The following FANCB variants were observed in gnomAD, a reference collection of about 807,000 sequenced individuals.
FANCB encodes FA complementation group B.
Under a neutral mutation model 38.9 loss-of-function variants are expected in FANCB, and 5 were observed. That is an observed-to-expected ratio of 0.13 (90% confidence interval 0.07 to 0.27). The LOEUF (loss-of-function observed/expected upper bound fraction) is 0.27, where lower values mean the gene tolerates loss of function less well. FANCB is among the 10% of genes least tolerant of loss of function. The probability of loss-of-function intolerance (pLI) is 1.00; values close to 1 mark genes in which losing one functional copy is unlikely to be tolerated. For synonymous variants in FANCB, 236 were observed against 215.4 expected (o/e 1.10, Z -0.84); for missense variants, 573 against 602.7 (o/e 0.95, Z 0.52).
intron 5 of FANCB, among the ~76,000 whole-genome samples, 192 bp downstream of exon 5, chrX:14,857,670 A>G (rs2092428577): frequency 8.9e-6 from 1 of 111,844 alleles, no homozygotes; most frequent in African/African-American, 3.3e-5. Flanking sequence ...CAAAAAAGGT[A>G]TGTTTAGATG....
At chrX:14,827,261 T>C in the FANCB span, among the ~76,000 whole-genome samples, 1 of 111,999 alleles carries the variant, frequency 8.9e-6, no homozygotes, top group Non-Finnish European at 1.9e-5. Flanking sequence ...GATTTGTGCC[T>C]TAGACAGCTT....
the FANCB span, among the ~76,000 whole-genome samples, chrX:14,765,795 A>G: frequency 5.4e-5 from 6 of 112,015 alleles, no homozygotes; most frequent in Admixed American, 5.7e-4. Flanking sequence ...GCAAATGCAC[A>G]TTACACAACT....
At chrX:14,816,503 G>A in the FANCB span, among the ~76,000 whole-genome samples, 2 of 111,630 alleles carry the variant, frequency 1.8e-5, no homozygotes, top group Non-Finnish European at 3.8e-5. Context: ...GTCATTAATG[G>A]GGGAATGAGA....
At chrX:14,716,822 C>T in the FANCB span, among the ~76,000 whole-genome samples, 1 of 110,951 alleles carries the variant, frequency 9.0e-6, no homozygotes, top group South Asian at 3.9e-4. Context: ...GAAATTAATA[C>T]CTAAAACCAA....
chrX:14,868,688 A>G (rs773098518), intron 2 of FANCB, among the ~76,000 whole-genome samples: 9 of 111,680 alleles, frequency 8.1e-5, no homozygotes, highest in Non-Finnish European at 1.5e-4. Context: ...TAGGGTAAAG[A>G]TAGTTAACAC....
the FANCB span, among the ~76,000 whole-genome samples, chrX:14,738,058 C>G: frequency 9.0e-6 from 1 of 111,568 alleles, no homozygotes; most frequent in Non-Finnish European, 1.9e-5. Flanking sequence ...GTACAGTCCT[C>G]CCATTAGAAA....
chrX:14,806,130 A>G, the FANCB span, among the ~76,000 whole-genome samples: 1 of 111,889 alleles, frequency 8.9e-6, no homozygotes, highest in African/African-American at 3.3e-5. Flanking sequence ...TGAGTTTCAA[A>G]GGAGGGAAGT....
the FANCB span, among the ~76,000 whole-genome samples, chrX:14,818,390 A>AG: frequency 2.8e-5 from 3 of 108,669 alleles, no homozygotes; most frequent in African/African-American, 1.0e-4. Context: ...AAAAAAAAAA[A>AG]AGAGAGAGAC....
chrX:14,716,369 C>T, the FANCB span, among the ~76,000 whole-genome samples: 2 of 111,702 alleles, frequency 1.8e-5, no homozygotes, highest in African/African-American at 6.5e-5. Flanking sequence ...TCAACCAAAG[C>T]CTTTCAGATT....
intron 5 of FANCB, among the ~76,000 whole-genome samples, chrX:14,854,411 T>C (rs1444618155): frequency 1.8e-5 from 2 of 111,853 alleles, no homozygotes; most frequent in African/African-American, 6.5e-5. Context: ...TAAATAATCT[T>C]GGCTGTGAAG....
the FANCB span, among the ~76,000 whole-genome samples, chrX:14,761,550 C>T: frequency 9.0e-6 from 1 of 110,700 alleles, no homozygotes; most frequent in South Asian, 3.8e-4. Context: ...GGGAACATAA[C>T]GCTGGTAGAA....
chrX:14,796,693 T>TACACACACAC, the FANCB span, among the ~76,000 whole-genome samples: 2 of 92,122 alleles, frequency 2.2e-5, no homozygotes, highest in African/African-American at 8.0e-5. Context: ...CGTCTATATA[T>TACACACACAC]ACACACACAC....
At chrX:14,738,321 C>A in the FANCB span, among the ~76,000 whole-genome samples, 2 of 111,934 alleles carry the variant, frequency 1.8e-5, no homozygotes. Context: ...GGACATTTTT[C>A]TTTTGTGATA....
At chrX:14,750,747 A>G in the FANCB span, among the ~76,000 whole-genome samples, 2 of 111,108 alleles carry the variant, frequency 1.8e-5, no homozygotes, top group Non-Finnish European at 3.8e-5. Context: ...ACACACATCA[A>G]AGGTTTTTAT....
chrX:14,843,919 A>G lies in FANCB; in HGVS notation c.2228T>C (p.Phe743Ser), dbSNP rs747865842. 1 of 1,202,596 alleles carries G rather than the reference A, an allele frequency of 8.3e-7. No individual in the cohort carries two copies. Among genetic ancestry groups the G allele is most frequent in the East Asian group, 3.0e-5 (1 of 33,806 alleles). The change falls in exon 10 of 10, where the codon TTC becomes TCC. Residue 743 changes from phenylalanine to serine, a missense_variant. Phe to Ser is a radical substitution (Grantham distance 155). Transcript: ENST00000650831. ...NLIRILPINC[F>S]LKNLKSGSEN... Reference sequence around the variant, plus strand: ...ACTTCCTGATTTTAGATTTTTGAGGAAACAGTTTATAGGGAGAATTCTGAT... The same window carrying G: ...ACTTCCTGATTTTAGATTTTTGAGGGAACAGTTTATAGGGAGAATTCTGAT...
the FANCB span, among the ~76,000 whole-genome samples, chrX:14,763,613 C>T: frequency 9.0e-6 from 1 of 111,674 alleles, no homozygotes; most frequent in African/African-American, 3.3e-5. Context: ...AAAAATTTGT[C>T]AAGCTGCACA....
chrX:14,742,014 C>A, the FANCB span, among the ~76,000 whole-genome samples: 1 of 111,670 alleles, frequency 9.0e-6, no homozygotes, highest in Non-Finnish European at 1.9e-5. Flanking sequence ...AATACCATGC[C>A]ATGCCCAGCA....
At chrX:14,781,899 T>C in the FANCB span, among the ~76,000 whole-genome samples, 1 of 112,164 alleles carries the variant, frequency 8.9e-6, no homozygotes, top group South Asian at 3.7e-4. Context: ...GCCAATATCC[T>C]AGGGGCCTTA....
chrX:14,692,030 G>T, the FANCB span, among the ~76,000 whole-genome samples: 2 of 111,888 alleles, frequency 1.8e-5, no homozygotes, highest in African/African-American at 6.5e-5. Context: ...AATATTTGTT[G>T]TGAGACATTG....
Sources: allele counts gnomAD v4.1 joint callset (sites outside exome capture counted in the v4.1 genomes callset), GRCh38; gene constraint gnomAD v4.1.1; transcripts MANE v1.5; gene names NCBI Gene and HGNC (gene_info 2026-07-23, HGNC 2026-07-21).